PADI3: variants seen among roughly 807,000 people sequenced by gnomAD.
The protein encoded by PADI3 is peptidyl arginine deiminase 3.
A neutral mutation model predicts 71.5 loss-of-function variants in PADI3; 53 were observed. That is an observed-to-expected ratio of 0.74 (90% confidence interval 0.59 to 0.93). PADI3 has a LOEUF of 0.93. Ranked by LOEUF, PADI3 falls within the 40% of genes least tolerant of loss-of-function variation. The pLI, the probability that PADI3 is intolerant of heterozygous loss-of-function variation, is 0.00. For synonymous variants in PADI3, 361 were observed against 347.5 expected, an observed-to-expected ratio of 1.04 and a Z score of -0.43; for missense variants, 821 against 868.0, an observed-to-expected ratio of 0.95 and a Z score of 0.68.
intron 13 of PADI3, 137 bp from the exon 14 acceptor site, chr1:17,280,213 G>A: frequency 1.4e-6 from 1 of 696,822 alleles, no homozygotes; most frequent in Non-Finnish European, 2.6e-6. Flanking sequence ...CCCACCCAAG[G>A]CCTGGGAAAG....
In PADI3 at chr1:17,267,874, G is replaced by T; in HGVS notation, c.564G>T (p.Gln188His). ...EDMSVMVLRT[Q>H]GPAALFDDHK... ...TGTCTGTCATGGTCCTGCGGACGCA[G>T]GGCCCTGCAGCCCTCTTTGATGACC... Residue 188 changes from glutamine to histidine, a missense_variant, in exon 6 of 16, where the codon CAG becomes CAT. Gln to His is a conservative substitution (Grantham distance 24). Transcript: ENST00000375460. 1 of 1,614,150 alleles carries T rather than the reference G, an allele frequency of 6.2e-7. No homozygotes were observed. Among genetic ancestry groups the T allele is most frequent in the Non-Finnish European group, 8.5e-7 (1 of 1,180,048 alleles).
intron 1 of PADI3, among the ~76,000 whole-genome samples, chr1:17,251,142 G>A (rs932439697): frequency 2.6e-5 from 4 of 152,210 alleles, no homozygotes; most frequent in African/African-American, 9.6e-5. Flanking sequence ...TGAAGGATGA[G>A]CACAGGCTCT....
At chr1:17,269,174 C>T (rs961245338) in intron 6 of PADI3, among the ~76,000 whole-genome samples, 4 of 152,156 alleles carry the variant, frequency 2.6e-5, no homozygotes, top group African/African-American at 9.7e-5. Context: ...CGTGAGACGC[C>T]GCACCTGGCC....
chr1:17,280,690 G>A lies in PADI3; in HGVS notation c.1655G>A (p.Arg552His), dbSNP rs146338253. 1.1e-5 allele frequency: 18 copies of A among 1,614,164 alleles called. No homozygotes were observed. In the South Asian group the frequency reaches 1.4e-4, roughly 13 times the overall value. ...CCCCAGAGCTGCATCGACTGGAACC[G>A]TGAGGTGCTGAAGCGGGAGCTGGGC... Reference protein sequence around the residue: ...KFVQSCIDWNREVLKRELGLA... With the variant: ...KFVQSCIDWNHEVLKRELGLA... Residue 552 changes from arginine to histidine, a missense_variant, in exon 15 of 16, where the codon CGT (arginine) becomes CAT (histidine). Physicochemically the swap from Arg to His is conservative, Grantham distance 29. Coordinates refer to ENST00000375460, the MANE Select transcript of PADI3 (RefSeq NM_016233.2).
chr1:17,277,179 T>A (rs913548342), intron 13 of PADI3, among the ~76,000 whole-genome samples: 2 of 150,238 alleles, frequency 1.3e-5, no homozygotes, highest in African/African-American at 4.9e-5. Context: ...GCAGTCACTA[T>A]CCTGAAATCT....
chr1:17,274,483 A>T, intron 10 of PADI3, 152 bp from the exon 11 acceptor site: 1 of 639,530 alleles, frequency 1.6e-6, no homozygotes, highest in Non-Finnish European at 2.8e-6. Flanking sequence ...TGACTGGGTC[A>T]GATCCCCCAC....
intron 1 of PADI3, among the ~76,000 whole-genome samples, chr1:17,254,235 G>A (rs1367434372): frequency 1.3e-5 from 2 of 152,156 alleles, no homozygotes; most frequent in East Asian, 1.9e-4. Context: ...GGGAGGGGCA[G>A]CTGGAACTGC....
rs747531633 is a variant in PADI3, at chr1:17,276,579, GC to G, written c.1374del (p.Val459TrpfsTer17). ...RDFLHAQKVQ[P>X]PVELFVDWLA... ...ACTTCCTCCATGCCCAGAAGGTGCA[GC>G]CCCCCGTGGAGCTCTTTGTGGACTG... On this transcript the variant is annotated frameshift_variant, in exon 12 of 16. Coordinates refer to ENST00000375460, the MANE Select transcript of PADI3 (RefSeq NM_016233.2). LOFTEE classifies it high-confidence loss of function. 1.9e-6 allele frequency: 3 copies of G among 1,614,166 alleles called. No homozygotes were observed. The highest frequency in any genetic ancestry group is 2.5e-6 in the Non-Finnish European group (3 of 1,180,036).
chr1:17,259,660 G>A lies in PADI3; in HGVS notation c.175G>A (p.Gly59Ser). The A allele has an allele frequency of 6.2e-7, 1 of 1,613,882 alleles. No individual in the cohort carries two copies. Among genetic ancestry groups the A allele is most frequent in the Non-Finnish European group, 8.5e-7 (1 of 1,179,830 alleles). The stretch of plus-strand genomic sequence containing the variant: ...CTACATCTCTCCCAACATGGAGAGG[G>A]GCCGGGAGCGTGCAGACACCAGGCG... ...DIYISPNMER[G>S]RERADTRRWR... Residue 59 changes from glycine (G) to serine (S), a missense_variant, in exon 2 of 16, where the codon GGC becomes AGC. Transcript: ENST00000375460.
chr1:17,280,912 C>A, intron 15 of PADI3, 116 bp downstream of exon 15: 2 of 1,241,794 alleles, frequency 1.6e-6, no homozygotes, highest in African/African-American at 1.5e-5. Flanking sequence ...GTGGGGGTGG[C>A]AGGGAGAATC....
chr1:17,270,477 C>T (rs2073232578), intron 7 of PADI3, 66 bp downstream of exon 7: 5 of 1,350,060 alleles, frequency 3.7e-6, no homozygotes, highest in Non-Finnish European at 5.0e-6. Flanking sequence ...GGTGAAACCC[C>T]ATCTCTACAA....
At position 17,271,836 on chromosome 1, in the gene PADI3, C is replaced by CAACA. The variant is rs1553135547; in HGVS notation, c.1047+660_1047+661insCAAA. Among the ~76,000 whole-genome samples the CAACA allele has an allele frequency of 2.6e-4, 21 of 79,434 alleles. 1 individual carries two copies. The highest frequency in any genetic ancestry group is 1.1e-3 in the African/African-American group (21 of 18,742). The allele number at this position is 79,434 out of a possible 152,430, so 52.1% of individuals were successfully genotyped here. Reference sequence around the variant, plus strand: ...TGCACTCCAGCCTCAGCAACAACAACAAAAAAAAAAAAAAAAAAAGAGAGA... The same window carrying CAACA: ...TGCACTCCAGCCTCAGCAACAACAACAACAAAAAAAAAAAAAAAAAAAAGAGAGA... On this transcript the variant is annotated intron_variant, in intron 9 of 15. Transcript: ENST00000375460.
chr1:17,265,330 G>A (rs1477761011), intron 3 of PADI3, among the ~76,000 whole-genome samples: 1 of 151,580 alleles, frequency 6.6e-6, no homozygotes, highest in African/African-American at 2.4e-5. Context: ...AAGGAGATGA[G>A]GCAGCTTTAT....
rs1453974468 is a variant in PADI3 at position 17,283,480 on chromosome 1, T to A, written c.*401T>A. 1.1e-5 allele frequency: 2 copies of A among 180,724 alleles called. No homozygotes were observed. Among genetic ancestry groups the A allele is most frequent in the African/African-American group, 2.4e-5 (1 of 41,994 alleles). 11.2% of individuals were successfully genotyped at this position (180,724 alleles called of 1,614,324 possible). A position where few individuals can be genotyped will look rare whatever the true frequency, so the allele number is the denominator to read the frequency against. On this transcript the variant is annotated 3_prime_UTR_variant, in exon 16 of 16. Coordinates refer to ENST00000375460, the MANE Select transcript of PADI3 (RefSeq NM_016233.2). The stretch of plus-strand genomic sequence containing the variant: ...CAGAGGAAGGATCCATGATTCTGCT[T>A]TGGTCCAATTGCTTCCTCTCTGCAG...
intron 1 of PADI3, 55 bp downstream of exon 1, chr1:17,249,284 C>T (rs2072937646): frequency 2.8e-6 from 4 of 1,422,222 alleles, no homozygotes; most frequent in Middle Eastern, 1.7e-4. Context: ...GCCCTTGGAC[C>T]TTCCTCCCTG....
At position 17,273,421 on chromosome 1, in the gene PADI3, C is replaced by A. The variant is rs2073283551; in HGVS notation, c.1129C>A (p.Gln377Lys). 1 of 1,612,946 alleles carries A rather than the reference C, an allele frequency of 6.2e-7. No individual in the cohort carries two copies. Among genetic ancestry groups the A allele is most frequent in the Non-Finnish European group, 8.5e-7 (1 of 1,179,146 alleles). ...TGACTCCCCAAGGAATGGGGAACTG[C>A]AGGATTTCCCTTACAAAAGAATCCT... ...VFDSPRNGEL[Q>K]DFPYKRILGP... Residue 377 changes from glutamine (Q) to lysine (K), a missense_variant, in exon 10 of 16, where the codon CAG (glutamine) becomes AAG (lysine). Transcript: ENST00000375460.
chr1:17,271,305 A>G, intron 9 of PADI3, 127 bp downstream of exon 9: 1 of 739,872 alleles, frequency 1.4e-6, no homozygotes, highest in Non-Finnish European at 2.2e-6. Context: ...TGCCGTTTCT[A>G]ATGTGAGACC....
intron 1 of PADI3, among the ~76,000 whole-genome samples, chr1:17,256,337 G>GATTT (rs1470842868): frequency 6.6e-6 from 1 of 152,238 alleles, no homozygotes; most frequent in Non-Finnish European, 1.5e-5. Flanking sequence ...GAGACTAAGT[G>GATTT]ATTTAGTCAA....
rs779555590 is a variant in PADI3 at position 17,270,264 on chromosome 1, T to A, written c.684T>A (p.His228Gln). 1.7e-5 allele frequency: 28 copies of A among 1,613,574 alleles called. No individual in the cohort carries two copies. In the East Asian group the frequency reaches 6.0e-4, roughly 35 times the overall value. ...AGGATGTGTGTGAGGCCTATAGGCATGTGCTGGGCCAAGATAAGGTGTCCT... is the reference window on the plus strand; with the variant it reads ...AGGATGTGTGTGAGGCCTATAGGCAAGTGCTGGGCCAAGATAAGGTGTCCT... Reference protein sequence around the residue: ...GPEDVCEAYRHVLGQDKVSYE... With the variant: ...GPEDVCEAYRQVLGQDKVSYE... Residue 228 changes from histidine to glutamine, a missense_variant, in exon 7 of 16, where the codon CAT becomes CAA. By Grantham distance (24) the His-to-Gln change is conservative (BLOSUM62 0). Coordinates refer to ENST00000375460, the MANE Select transcript of PADI3 (RefSeq NM_016233.2).
Sources: allele counts gnomAD v4.1 joint callset (sites outside exome capture counted in the v4.1 genomes callset), GRCh38; gene constraint gnomAD v4.1.1; transcripts MANE v1.5; gene names NCBI Gene and HGNC (gene_info 2026-07-23, HGNC 2026-07-21).